The following CMTM1 variants were observed in gnomAD, a reference collection of about 807,000 sequenced individuals.
CMTM1 encodes CKLF like MARVEL transmembrane domain containing 1.
In CMTM1, 16 loss-of-function variants were observed where a neutral mutation model predicts 17.8. The ratio of observed to expected loss-of-function variants is 0.90; its 90% confidence interval spans 0.61 to 1.37. The LOEUF is 1.37. Ranked by LOEUF, CMTM1 falls within the 40% of genes most tolerant of loss-of-function variation. The probability of loss-of-function intolerance (pLI) is 0.00; values close to 1 mark genes in which losing one functional copy is unlikely to be tolerated. For missense variants in CMTM1, 354 were observed against 375.6 expected (o/e 0.94, Z 0.47); for synonymous variants, 169 against 154.6 (o/e 1.09, Z -0.69).
intron 2 of CMTM1, among the ~76,000 whole-genome samples, chr16:66,574,257 A>T (rs949637046): frequency 6.6e-6 from 1 of 152,234 alleles, no homozygotes; most frequent in Admixed American, 6.5e-5. Flanking sequence ...CCTCCCACAC[A>T]TGGCCAAGCT....
intron 2 of CMTM1, chr16:66,575,239 T>C (rs1253637142): frequency 2.0e-6 from 2 of 984,202 alleles, no homozygotes; most frequent in Non-Finnish European, 2.4e-6. Context: ...AGGGCAGATA[T>C]GAACCTACAT....
intron 2 of CMTM1, chr16:66,574,834 G>T (rs1276759687): frequency 5.9e-6 from 3 of 506,450 alleles, no homozygotes; most frequent in Non-Finnish European, 7.6e-6. Flanking sequence ...CCAACAGAGA[G>T]CAATTTTTAA....
At chr16:66,576,340 A>G (rs2014234812) in intron 2 of CMTM1, among the ~76,000 whole-genome samples, 3 of 151,958 alleles carry the variant, frequency 2.0e-5, no homozygotes, top group African/African-American at 7.3e-5. Context: ...GGAGGTTGCA[A>G]TGAGCCAAGA....
chr16:66,577,089 A>T lies in CMTM1; in HGVS notation c.592-15A>T. The stretch of plus-strand genomic sequence containing the variant: ...TTGTTGTGTAAACTTGATAATTTTC[A>T]ATTCTTTATTACAGGATCTTACCAA... On this transcript the variant is annotated splice_polypyrimidine_tract_variant and intron_variant, in intron 2 of 3. Coordinates refer to ENST00000379500, the MANE Select transcript of CMTM1 (RefSeq NM_052999.4). 1 of 1,603,486 alleles carries T rather than the reference A, an allele frequency of 6.2e-7. No individual in the cohort carries two copies. The highest frequency in any genetic ancestry group is 8.5e-7 in the Non-Finnish European group (1 of 1,173,262).
Position 66,566,696 on chromosome 16 carries a change from G to A in CMTM1, c.183G>A (p.Ala61=), listed in dbSNP as rs983244190. The A allele has an allele frequency of 6.2e-7, 1 of 1,613,866 alleles. No individual in the cohort carries two copies. Among genetic ancestry groups the A allele is most frequent in the Non-Finnish European group, 8.5e-7 (1 of 1,179,888 alleles). The change falls in exon 1 of 4, where the codon GCG becomes GCA. Residue 61 remains alanine (A), a synonymous_variant. Coordinates refer to ENST00000379500, the MANE Select transcript of CMTM1 (RefSeq NM_052999.4). This position sits in a 1 kb window ranked among gnomAD's most constrained non-coding sequence, Gnocchi z 4.9. ...RKHPAVSIRS[A]QSAAAARPQG... The stretch of plus-strand genomic sequence containing the variant: ...ACCCCGCAGTCTCAATTCGCAGTGC[G>A]CAGTCCGCAGCCGCCGCACGTCCCC...
chr16:66,577,077 T>C, intron 2 of CMTM1, 27 bp from the exon 3 acceptor site: 3 of 1,587,962 alleles, frequency 1.9e-6, no homozygotes, highest in Non-Finnish European at 1.7e-6. Flanking sequence ...TTGTGTAAAC[T>C]TGATAATTTT....
intron 2 of CMTM1, chr16:66,575,063 C>T (rs984428303): frequency 2.0e-6 from 2 of 985,534 alleles, no homozygotes; most frequent in African/African-American, 3.5e-5. Context: ...TCCACCAGCC[C>T]TGCTACATAC....
chr16:66,571,254 A>T, intron 2 of CMTM1: 1 of 447,682 alleles, frequency 2.2e-6, no homozygotes, highest in South Asian at 1.6e-5. Context: ...GTCCGTGGAA[A>T]TTTTCAAGAA....
At chr16:66,570,578 G>A (rs771942634) in intron 2 of CMTM1, among the ~76,000 whole-genome samples, 1 of 151,900 alleles carries the variant, frequency 6.6e-6, no homozygotes, top group Non-Finnish European at 1.5e-5. Flanking sequence ...AAGAGGTGCC[G>A]GACTATCCAG....
intron 2 of CMTM1, among the ~76,000 whole-genome samples, chr16:66,574,127 T>C (rs1019633053): frequency 3.9e-5 from 6 of 152,008 alleles, no homozygotes; most frequent in South Asian, 2.1e-4. Context: ...TATGGAAAAA[T>C]TGTCAAGAAA....
chr16:66,575,279 C>A, intron 2 of CMTM1: 1 of 886,256 alleles, frequency 1.1e-6, no homozygotes, highest in Non-Finnish European at 1.4e-6. Context: ...CTACTAGATG[C>A]CAGGCATGTT....
chr16:66,574,056 TTCTC>T (rs973063696), intron 2 of CMTM1, among the ~76,000 whole-genome samples: 20 of 152,122 alleles, frequency 1.3e-4, no homozygotes, highest in African/African-American at 4.8e-4. Flanking sequence ...TAAGGCATCT[TTCTC>T]TTTCCTACTT....
At position 66,576,223 on chromosome 16, in the gene CMTM1, C is replaced by T. The variant is rs142290026; in HGVS notation, c.592-881C>T. ...ACCATCCTGGCCAACATGAAGAAACCCTGTCTCTACTAAAAAATACAAAAA... is the reference window on the plus strand; with the variant it reads ...ACCATCCTGGCCAACATGAAGAAACTCTGTCTCTACTAAAAAATACAAAAA... On this transcript the variant is annotated intron_variant, in intron 2 of 3. Coordinates refer to ENST00000379500, the MANE Select transcript of CMTM1 (RefSeq NM_052999.4). Among the ~76,000 whole-genome samples the T allele has an allele frequency of 3.2e-3, 483 of 152,206 alleles. 1 individual carries two copies. The highest frequency in any genetic ancestry group is 0.011 in the African/African-American group (460 of 41,520).
chr16:66,566,875 C>A lies in CMTM1; in HGVS notation c.362C>A (p.Pro121Gln). 1 of 1,613,758 alleles carries A rather than the reference C, an allele frequency of 6.2e-7. No individual in the cohort carries two copies. Among genetic ancestry groups the A allele is most frequent in the East Asian group, 2.2e-5 (1 of 44,828 alleles). Residue 121 changes from proline to glutamine, a missense_variant, in exon 1 of 4, where the codon CCG (proline) becomes CAG (glutamine). Physicochemically the swap from Pro to Gln is moderately conservative, Grantham distance 76. Coordinates refer to ENST00000379500, the MANE Select transcript of CMTM1 (RefSeq NM_052999.4). This position sits in a 1 kb window ranked among gnomAD's most constrained non-coding sequence, Gnocchi z 4.9. ...CGCGTGGAGGGCCGAGCCAAAGTCC[C>A]GTACAAATTCAGGGACAGCCTCAAA... ...KERVEGRAKVPYKFRDSLKRF... is the reference protein window; with the variant it reads ...KERVEGRAKVQYKFRDSLKRF...
intron 2 of CMTM1, 130 bp downstream of exon 2, chr16:66,570,224 G>A: frequency 1.4e-6 from 1 of 716,704 alleles, no homozygotes; most frequent in Non-Finnish European, 2.2e-6. Context: ...GACAGTTAGG[G>A]TGTTGCCCTG....
rs369897524 is a variant in CMTM1 at position 66,578,198 on chromosome 16, C to T, written c.691-633C>T. ...TTCTACTGCCAGGGGTTCCCACCCC[C>T]AGGTATCCATTTCTTACCTGGATGG... On this transcript the variant is annotated intron_variant, in intron 3 of 3. Transcript: ENST00000379500. 9.8e-5 allele frequency among the ~76,000 whole-genome samples: 15 copies of T among 152,326 alleles called. No individual in the cohort carries two copies. The East Asian group carries it at 2.3e-3, about 24-fold the overall frequency.
intron 2 of CMTM1, 127 bp downstream of exon 2, chr16:66,570,221 AG>A: frequency 1.3e-6 from 1 of 750,524 alleles, no homozygotes; most frequent in Non-Finnish European, 2.1e-6. Context: ...TGTGACAGTT[AG>A]GGTGTTGCCC....
intron 1 of CMTM1, 88 bp downstream of exon 1, chr16:66,567,033 CCTT>C: frequency 7.2e-7 from 1 of 1,390,370 alleles, no homozygotes. Flanking sequence ...GCTCCAGAAA[CCTT>C]CCATAATTCA....
chr16:66,569,081 T>C (rs577097048), intron 1 of CMTM1, among the ~76,000 whole-genome samples: 14 of 152,178 alleles, frequency 9.2e-5, no homozygotes, highest in African/African-American at 3.4e-4. Flanking sequence ...TTTACAACAG[T>C]CATCAAAAAT....
Sources: allele counts gnomAD v4.1 joint callset (sites outside exome capture counted in the v4.1 genomes callset), GRCh38; gene constraint gnomAD v4.1.1; non-coding constraint Gnocchi (gnomAD v3.1); transcripts MANE v1.5; gene names NCBI Gene and HGNC (gene_info 2026-07-23, HGNC 2026-07-21).